PLS3: variants seen among roughly 807,000 people sequenced by gnomAD.
The protein encoded by PLS3 is plastin 3, also known as plastin-3.
A neutral mutation model predicts 46.5 loss-of-function variants in PLS3; 11 were observed. That is an observed-to-expected ratio of 0.24 (90% CI 0.15 to 0.39). The LOEUF (loss-of-function observed/expected upper bound fraction) is 0.39, where lower values mean the gene tolerates loss of function less well. PLS3 is among the 10% of genes least tolerant of loss of function. PLS3 has a pLI of 1.00. For missense variants in PLS3, 308 were observed against 461.8 expected (o/e 0.67, Z 3.05); for synonymous variants, 167 against 162.2 (o/e 1.03, Z -0.22).
chrX:115,602,271 A>G, intron 1 of PLS3, among the ~76,000 whole-genome samples: 1 of 111,954 alleles, frequency 8.9e-6, no homozygotes, highest in Admixed American at 9.5e-5. Flanking sequence ...TCTTATCTGG[A>G]GCACCCAACA....
chrX:115,622,043 C>A, intron 2 of PLS3: 1 of 366,308 alleles, frequency 2.7e-6, no homozygotes, highest in Non-Finnish European at 4.7e-6. Context: ...TTACACATTG[C>A]TTAAATCACA....
At chrX:115,561,496 C>T (rs1556629580) in intron 1 of PLS3, among the ~76,000 whole-genome samples, 1 of 111,775 alleles carries the variant, frequency 8.9e-6, no homozygotes, top group Non-Finnish European at 1.9e-5. Flanking sequence ...TACTAGCATC[C>T]GCCGCAGACA....
At chrX:115,611,056 T>G in intron 2 of PLS3, 1 of 388,162 alleles carries the variant, frequency 2.6e-6, no homozygotes, top group Non-Finnish European at 4.5e-6. Context: ...TAGATTATTA[T>G]TATTTGGTAT....
chrX:115,596,119 G>GT (rs2074386346), intron 1 of PLS3, among the ~76,000 whole-genome samples: 1 of 112,032 alleles, frequency 8.9e-6, no homozygotes, highest in Non-Finnish European at 1.9e-5. Context: ...ATCTTGAAGA[G>GT]TTTTTTAGTA....
chrX:115,628,959 A>G (rs896707931), intron 3 of PLS3, among the ~76,000 whole-genome samples: 3 of 111,754 alleles, frequency 2.7e-5, no homozygotes, highest in South Asian at 3.7e-4. Flanking sequence ...AGTGAGTTCA[A>G]TGCATGTAGC....
chrX:115,608,196 T>C (rs1452016183), intron 1 of PLS3, among the ~76,000 whole-genome samples: 2 of 111,798 alleles, frequency 1.8e-5, no homozygotes, highest in Non-Finnish European at 3.8e-5. Flanking sequence ...AGCTCTCTTA[T>C]GAATCCCTCC....
intron 3 of PLS3, among the ~76,000 whole-genome samples, chrX:115,623,977 C>T (rs2074682676): frequency 8.9e-6 from 1 of 112,095 alleles, no homozygotes; most frequent in Admixed American, 9.5e-5. Flanking sequence ...CGCCTGTAAT[C>T]CCAGCACTTT....
rs781919561 is a variant in PLS3 at position 115,586,110 on chromosome X, C to T, written c.-8-24133C>T. Among the ~76,000 whole-genome samples the T allele has an allele frequency of 3.7e-5, 4 of 107,845 alleles. No homozygotes were observed. In the East Asian group the frequency reaches 9.1e-4, roughly 25 times the overall value. The allele number at this position is 107,845 out of a possible 115,157, so 93.7% of individuals were successfully genotyped here. A position where few individuals can be genotyped will look rare whatever the true frequency, so the allele number is the denominator to read the frequency against. ...CAAGCCATTCTCCTGCCTCAGCCTC[C>T]GAATAGCTGGGATTACAGGCCTGTG... On this transcript the variant is annotated intron_variant, in intron 1 of 15. Coordinates refer to ENST00000355899, the MANE Select transcript of PLS3 (RefSeq NM_005032.7).
chrX:115,562,528 G>A (rs2074145729), intron 1 of PLS3: 1 of 111,752 alleles, frequency 8.9e-6, no homozygotes, highest in Non-Finnish European at 1.9e-5. Flanking sequence ...GGGGGCGCCC[G>A]GCCTGTTAAG....
chrX:115,632,286 G>A (rs2074784972), intron 5 of PLS3, among the ~76,000 whole-genome samples: 2 of 110,707 alleles, frequency 1.8e-5, no homozygotes, highest in African/African-American at 3.3e-5. Flanking sequence ...ATTTATTAGG[G>A]CAGTATTATG....
At chrX:115,564,140 G>A (rs2074157411) in intron 1 of PLS3, among the ~76,000 whole-genome samples, 1 of 110,878 alleles carries the variant, frequency 9.0e-6, no homozygotes, top group Non-Finnish European at 1.9e-5. Flanking sequence ...TTAGGGGGCT[G>A]GGAGTCAAAT....
intron 1 of PLS3, among the ~76,000 whole-genome samples, chrX:115,605,008 A>G (rs1372257831): frequency 8.9e-6 from 1 of 112,128 alleles, no homozygotes; most frequent in South Asian, 3.7e-4. Context: ...AAAATGTACA[A>G]TTGTATCAGC....
intron 1 of PLS3, among the ~76,000 whole-genome samples, chrX:115,599,793 C>A (rs1206566476): frequency 9.2e-6 from 1 of 108,585 alleles, no homozygotes; most frequent in Non-Finnish European, 1.9e-5. Context: ...CAGCCAGGCC[C>A]TGTTAATTTT....
At chrX:115,624,100 G>A (rs371603201) in intron 3 of PLS3, among the ~76,000 whole-genome samples, 105 of 109,446 alleles carry the variant, frequency 9.6e-4, no homozygotes, top group African/African-American at 3.1e-3. Flanking sequence ...GTGGTGGTGC[G>A]TGCCTGTAAT....
At chrX:115,604,035 T>G (rs2074468780) in intron 1 of PLS3, among the ~76,000 whole-genome samples, 1 of 112,104 alleles carries the variant, frequency 8.9e-6, no homozygotes, top group Admixed American at 9.5e-5. Context: ...AATTGTTGTT[T>G]GTTTGTATAT....
chrX:115,624,160 C>T (rs1024613080), intron 3 of PLS3, among the ~76,000 whole-genome samples: 1 of 92,861 alleles, frequency 1.1e-5, no homozygotes, highest in African/African-American at 4.2e-5. Flanking sequence ...ACCAGGGAGT[C>T]GGAGGTTGCA....
chrX:115,636,813 G>A (rs782723350), intron 7 of PLS3, 23 bp from the exon 8 acceptor site: 2 of 1,155,430 alleles, frequency 1.7e-6, no homozygotes, highest in Admixed American at 4.9e-5. Context: ...AATAACTGTG[G>A]GATTTTTTTT....
In PLS3 at chrX:115,620,690, CTTTTT is replaced by C. The variant is rs370878043; in HGVS notation, c.74-1550_74-1546del. ...CCAGTCTAACCCCTTATGCTTTTTT[CTTTTT>C]TTTTTCTTTTCTTTTTTTTTTTTTT... is the stretch of plus-strand genomic sequence containing the variant. On this transcript the variant is annotated intron_variant, in intron 2 of 15. Coordinates refer to ENST00000355899, the MANE Select transcript of PLS3 (RefSeq NM_005032.7). Among the ~76,000 whole-genome samples, 112 of 69,182 alleles carry C rather than the reference CTTTTT, an allele frequency of 1.6e-3. 1 individual carries two copies. The highest frequency in any genetic ancestry group is 5.5e-3 in the African/African-American group (109 of 19,944). The allele number at this position is 69,182 out of a possible 115,157, so 60.1% of individuals were successfully genotyped here.
chrX:115,635,479 G>A (rs1396285551), intron 7 of PLS3, among the ~76,000 whole-genome samples: 2 of 108,049 alleles, frequency 1.9e-5, no homozygotes, highest in African/African-American at 3.4e-5. Flanking sequence ...GTGAAACCCC[G>A]TTTCTACTAA....
Sources: gnomAD v4.1 joint callset for allele counts (sites outside exome capture counted in the v4.1 genomes callset) on GRCh38, gnomAD v4.1.1 for gene constraint, MANE v1.5 for transcripts, NCBI Gene and HGNC (gene_info 2026-07-23, HGNC 2026-07-21) for gene names.